Variants in ADAMTS16 observed in about 807,000 individuals in gnomAD.
ADAMTS16 encodes ADAM metallopeptidase with thrombospondin type 1 motif 16.
Under a neutral mutation model 145.8 loss-of-function variants are expected in ADAMTS16, and 94 were observed. The observed-to-expected ratio is 0.64, with a 90% CI of 0.55 to 0.77. ADAMTS16 has a LOEUF of 0.77. ADAMTS16 is among the 30% of genes least tolerant of loss of function. The pLI, the probability that ADAMTS16 is intolerant of heterozygous loss-of-function variation, is 0.00. For synonymous variants in ADAMTS16, 659 were observed against 604.3 expected (o/e 1.09, Z -1.33); for missense variants, 1,585 against 1,591.5 (o/e 1.00, Z 0.07).
At chr5:5,175,954 T>C (rs528365250) in intron 3 of ADAMTS16, 1 of 152,360 alleles carries the variant, frequency 6.6e-6, no homozygotes, top group East Asian at 1.9e-4. Flanking sequence ...AGTGACTCTT[T>C]CAGCAATATG....
At chr5:5,168,625 TTA>T (rs1312487450) in intron 3 of ADAMTS16, among the ~76,000 whole-genome samples, 10 of 85,924 alleles carry the variant, frequency 1.2e-4, no homozygotes, top group Non-Finnish European at 2.0e-4. Context: ...ATATATTATA[TTA>T]TATATAATAT....
intron 20 of ADAMTS16, 29 bp from the exon 21 acceptor site, chr5:5,306,475 A>G (rs1201150784): frequency 6.3e-7 from 1 of 1,576,582 alleles, no homozygotes; most frequent in East Asian, 2.3e-5. Flanking sequence ...GATTTTTTTC[A>G]CTGACTTCTT....
Position 5,237,023 on chromosome 5 carries a change from C to T in ADAMTS16, c.2078C>T (p.Ser693Phe). 3 of 1,613,982 alleles carry T rather than the reference C, an allele frequency of 1.9e-6. No individual in the cohort carries two copies. Among genetic ancestry groups the T allele is most frequent in the Non-Finnish European group, 1.7e-6 (2 of 1,179,966 alleles). Residue 693 changes from serine to phenylalanine, a missense_variant, in exon 14 of 23, where the codon TCT becomes TTT. Ser to Phe is a radical substitution (Grantham distance 155). Transcript: ENST00000274181. ...GCAGAAGGATTTGATTTCTTCTTTT[C>T]TTTGTCAAATAAAGTCAAAGATGGG... is the stretch of plus-strand genomic sequence containing the variant. ...CIAEGFDFFF[S>F]LSNKVKDGTP...
rs1034219695 is a variant in ADAMTS16, at chr5:5,317,361, G to A, written c.3412-773G>A. On this transcript the variant is annotated intron_variant, in intron 21 of 22. Transcript: ENST00000274181. This position sits in a 1 kb window ranked among gnomAD's most constrained non-coding sequence, Gnocchi z 4.5. The stretch of plus-strand genomic sequence containing the variant: ...ATAATATGCCAATCCATGAATATCA[G>A]CTTTTTTAATCAGTATACTTACTTA... 6.6e-6 allele frequency among the ~76,000 whole-genome samples: 1 copy of A among 151,992 alleles called. No homozygotes were observed. The highest frequency in any genetic ancestry group is 2.4e-5 in the African/African-American group (1 of 41,360).
At chr5:5,220,973 T>C (rs1471370872) in intron 10 of ADAMTS16, among the ~76,000 whole-genome samples, 2 of 152,062 alleles carry the variant, frequency 1.3e-5, no homozygotes, top group Admixed American at 1.3e-4. Context: ...ATGCTCAGCC[T>C]CCTGAAGCAG....
At chr5:5,198,558 T>C (rs896195947) in intron 8 of ADAMTS16, among the ~76,000 whole-genome samples, 1 of 152,194 alleles carries the variant, frequency 6.6e-6, no homozygotes, top group African/African-American at 2.4e-5. Context: ...GATGTAGTCT[T>C]TCTCCAGTCC....
chr5:5,140,475 C>T lies in ADAMTS16; in HGVS notation c.8C>T (p.Pro3Leu). Residue 3 changes from proline to leucine, a missense_variant, in exon 1 of 23, where the codon CCC becomes CTC. Physicochemically the swap from Pro to Leu is moderately conservative, Grantham distance 98. Transcript: ENST00000274181. ...CCCTCGGAGCGCTCCTGGATGAAGCCCCGCGCGCGCGGATGGCGGGGCTTG... is the reference window on the plus strand; with the variant it reads ...CCCTCGGAGCGCTCCTGGATGAAGCTCCGCGCGCGCGGATGGCGGGGCTTG... MK[P>L]RARGWRGLAA... The T allele has an allele frequency of 1.3e-6, 2 of 1,513,628 alleles. No homozygotes were observed. The highest frequency in any genetic ancestry group is 1.2e-5 in the South Asian group (1 of 82,050). 93.8% of individuals were successfully genotyped at this position (1,513,628 alleles called of 1,614,324 possible). A position where few individuals can be genotyped will look rare whatever the true frequency, so the allele number is the denominator to read the frequency against.
At chr5:5,179,037 C>G (rs577558661) in intron 3 of ADAMTS16, among the ~76,000 whole-genome samples, 6 of 151,394 alleles carry the variant, frequency 4.0e-5, no homozygotes, top group African/African-American at 1.5e-4. Flanking sequence ...TATTTTACAT[C>G]CTTCGTTTTA....
intron 18 of ADAMTS16, among the ~76,000 whole-genome samples, chr5:5,268,597 A>C (rs746635): frequency 0.44 from 66,487 of 152,030 alleles, 14,821 homozygotes; most frequent in Non-Finnish European, 0.5. Flanking sequence ...GGTATCCCTC[A>C]AGGTCCATTT....
intron 18 of ADAMTS16, among the ~76,000 whole-genome samples, chr5:5,284,347 C>T (rs933564456): frequency 9.2e-5 from 14 of 152,180 alleles, no homozygotes; most frequent in African/African-American, 3.4e-4. Context: ...ATTTCAGTTT[C>T]ACTTTAATAT....
At chr5:5,183,980 T>C (rs1735419833) in intron 4 of ADAMTS16, among the ~76,000 whole-genome samples, 1 of 152,192 alleles carries the variant, frequency 6.6e-6, no homozygotes, top group South Asian at 2.1e-4. Flanking sequence ...TGGAGGATAT[T>C]GGTGATTGAC....
intron 9 of ADAMTS16, 46 bp downstream of exon 9, chr5:5,200,315 T>G: frequency 4.4e-6 from 7 of 1,608,850 alleles, no homozygotes; most frequent in Non-Finnish European, 5.9e-6. Flanking sequence ...GGGCCTTTGA[T>G]GCTCACTGCC....
chr5:5,199,780 G>T (rs1579305565), intron 8 of ADAMTS16, among the ~76,000 whole-genome samples: 1 of 152,150 alleles, frequency 6.6e-6, no homozygotes, highest in East Asian at 1.9e-4. Context: ...AAACTCTAAC[G>T]ATCCTGCTGA....
chr5:5,191,232 C>T (rs918337138), intron 7 of ADAMTS16, among the ~76,000 whole-genome samples: 5 of 152,160 alleles, frequency 3.3e-5, no homozygotes, highest in African/African-American at 1.2e-4. Flanking sequence ...GACAAATGCT[C>T]GTTATGACAG....
intron 17 of ADAMTS16, among the ~76,000 whole-genome samples, chr5:5,249,753 A>G (rs113883047): frequency 0.025 from 3,812 of 152,272 alleles, 171 homozygotes; most frequent in African/African-American, 0.087. Context: ...GGGTCAGGTG[A>G]CAGCCTTTTA....
intron 12 of ADAMTS16, 33 bp from the exon 13 acceptor site, chr5:5,234,981 A>G (rs754781380): frequency 3.3e-6 from 5 of 1,496,122 alleles, no homozygotes; most frequent in Admixed American, 3.9e-5. Flanking sequence ...CTACTAAAAT[A>G]TAAAAATTCT....
intron 17 of ADAMTS16, among the ~76,000 whole-genome samples, chr5:5,256,941 C>T (rs1245699449): frequency 2.6e-5 from 4 of 152,186 alleles, no homozygotes; most frequent in Non-Finnish European, 5.9e-5. Flanking sequence ...CATTAGACTT[C>T]TAACAGTTTT....
At chr5:5,259,702 A>G (rs1205238579) in intron 17 of ADAMTS16, among the ~76,000 whole-genome samples, 1 of 152,248 alleles carries the variant, frequency 6.6e-6, no homozygotes, top group African/African-American at 2.4e-5. Flanking sequence ...CACTGTACAC[A>G]AGATAAGGTG....
intron 3 of ADAMTS16, among the ~76,000 whole-genome samples, chr5:5,146,775 A>C (rs1734310471): frequency 6.6e-6 from 1 of 152,202 alleles, no homozygotes; most frequent in African/African-American, 2.4e-5. Flanking sequence ...TTTTTACTCT[A>C]ACTTACAGCT....
Sources: allele counts gnomAD v4.1 joint callset (sites outside exome capture counted in the v4.1 genomes callset), GRCh38; gene constraint gnomAD v4.1.1; non-coding constraint Gnocchi (gnomAD v3.1); transcripts MANE v1.5; gene names NCBI Gene and HGNC (gene_info 2026-07-23, HGNC 2026-07-21).